Variants in COL24A1 observed in about 807,000 individuals in gnomAD.
COL24A1 encodes collagen alpha-1(XXIV) chain.
COL24A1 carries 224 observed loss-of-function variants against 253.9 expected under a neutral mutation model. The observed-to-expected ratio is 0.88, with a 90% CI of 0.79 to 0.99. COL24A1 has a LOEUF of 0.99. Among genes scored for constraint, COL24A1 ranks in the 50% least tolerant of loss-of-function variants. The probability of loss-of-function intolerance (pLI) is 0.00; values close to 1 mark genes in which losing one functional copy is unlikely to be tolerated. For synonymous variants in COL24A1, 685 were observed against 673.7 expected (o/e 1.02, Z -0.26); for missense variants, 2,131 against 2,068.5 (o/e 1.03, Z -0.59).
chr1:85,751,916 C>A lies in COL24A1; in HGVS notation c.4438-6410G>T, dbSNP rs1665778532. 2.3e-4 allele frequency among the ~76,000 whole-genome samples: 2 copies of A among 8,514 alleles called. 1 individual carries two copies. Among genetic ancestry groups the A allele is most frequent in the African/African-American group, 3.5e-4 (2 of 5,646 alleles). 5.6% of individuals were successfully genotyped at this position (8,514 alleles called of 152,430 possible). On this transcript the variant is annotated intron_variant, in intron 55 of 59. Coordinates refer to ENST00000370571, the MANE Select transcript of COL24A1 (RefSeq NM_152890.7). ...AATAGTTTACCAACCAAAAAGAGTC[C>A]AGGACCAGATGGATTCACAGCCGAA...
At chr1:86,043,650 C>A (rs2101624559) in intron 12 of COL24A1, among the ~76,000 whole-genome samples, 1 of 152,204 alleles carries the variant, frequency 6.6e-6, no homozygotes, top group African/African-American at 2.4e-5. Context: ...GCCTCAGTCT[C>A]CTGAGGAGCT....
chr1:86,013,184 A>T (rs925664415), intron 19 of COL24A1, among the ~76,000 whole-genome samples: 3 of 152,166 alleles, frequency 2.0e-5, no homozygotes, highest in Non-Finnish European at 4.4e-5. Context: ...AAAATTCTGT[A>T]ATTTTCAGAT....
chr1:86,105,999 T>C (rs1042403462), intron 5 of COL24A1, among the ~76,000 whole-genome samples: 1 of 152,184 alleles, frequency 6.6e-6, no homozygotes, highest in Non-Finnish European at 1.5e-5. Flanking sequence ...AGTGTGCCAG[T>C]CATCCCGATC....
At chr1:85,861,567 C>A (rs1679153376) in intron 37 of COL24A1, among the ~76,000 whole-genome samples, 1 of 152,038 alleles carries the variant, frequency 6.6e-6, no homozygotes, top group African/African-American at 2.4e-5. Context: ...TCATTTTTTT[C>A]TGCAGTAGAA....
intron 42 of COL24A1, 132 bp downstream of exon 42, chr1:85,841,090 C>G (rs1403569276): frequency 3.2e-6 from 2 of 629,978 alleles, no homozygotes; most frequent in Admixed American, 3.6e-5. Context: ...CCATAAATAT[C>G]ACCCTCCTAT....
chr1:85,954,724 T>C (rs1381167378), intron 24 of COL24A1, among the ~76,000 whole-genome samples: 2 of 152,186 alleles, frequency 1.3e-5, no homozygotes, highest in Admixed American at 6.5e-5. Flanking sequence ...GAAAAATTAC[T>C]ACCCCCTATT....
intron 47 of COL24A1, among the ~76,000 whole-genome samples, chr1:85,790,109 C>G (rs313714): frequency 0.89 from 135,496 of 152,168 alleles, 60,549 homozygotes; most frequent in Middle Eastern, 0.93. Context: ...TGTTTGAAAT[C>G]GTTTCAGAAG....
chr1:85,927,488 G>A (rs1203447344), intron 24 of COL24A1, among the ~76,000 whole-genome samples: 9 of 129,956 alleles, frequency 6.9e-5, no homozygotes, highest in East Asian at 2.4e-4. Flanking sequence ...ACTGCAAGGC[G>A]GCAACGAGGC....
intron 3 of COL24A1, among the ~76,000 whole-genome samples, chr1:86,122,351 A>G (rs1647502589): frequency 6.6e-6 from 1 of 151,878 alleles, no homozygotes; most frequent in African/African-American, 2.4e-5. Flanking sequence ...TTCTTTCTAT[A>G]ACCAAAAAGC....
chr1:85,868,962 T>C lies in COL24A1; in HGVS notation c.3139-127A>G, dbSNP rs577233220. The C allele has an allele frequency of 1.9e-5, 11 of 588,088 alleles. No homozygotes were observed. The African/African-American group carries it at 2.1e-4, about 11-fold the overall frequency. 36.4% of individuals were successfully genotyped at this position (588,088 alleles called of 1,614,324 possible). A position where few individuals can be genotyped will look rare whatever the true frequency, so the allele number is the denominator to read the frequency against. The stretch of plus-strand genomic sequence containing the variant: ...GTTCACTTATTTCTACTACTTTATT[T>C]CTAAAGAGGATTTGACAGTAAAATG... On this transcript the variant is annotated intron_variant, in intron 35 of 59. Transcript: ENST00000370571.
chr1:85,837,325 A>G (rs1397990120), intron 43 of COL24A1, among the ~76,000 whole-genome samples: 2 of 152,220 alleles, frequency 1.3e-5, no homozygotes, highest in Non-Finnish European at 2.9e-5. Context: ...ATCTGCTTCA[A>G]AGAGAGTTTT....
chr1:86,058,952 T>C (rs546784567), intron 9 of COL24A1, among the ~76,000 whole-genome samples, 169 bp downstream of exon 9: 138 of 152,290 alleles, frequency 9.1e-4, no homozygotes, highest in African/African-American at 3.1e-3. Context: ...TAAAACTTTC[T>C]GAAGAAAAAT....
chr1:86,149,967 G>T (rs1052669346), intron 1 of COL24A1, among the ~76,000 whole-genome samples: 2 of 152,130 alleles, frequency 1.3e-5, no homozygotes, highest in Non-Finnish European at 2.9e-5. Context: ...AAAAGAACAG[G>T]TAAAGTTTCT....
chr1:85,916,446 G>C (rs1213502277), intron 24 of COL24A1, among the ~76,000 whole-genome samples: 2 of 152,104 alleles, frequency 1.3e-5, no homozygotes, highest in Admixed American at 1.3e-4. Context: ...CTTAAAGTTG[G>C]AGAACATAAA....
In COL24A1 at chr1:86,057,940, T is replaced by G. The variant is rs977336606; in HGVS notation, c.1842A>C (p.Lys614Asn). 7 of 1,612,948 alleles carry G rather than the reference T, an allele frequency of 4.3e-6. No homozygotes were observed. The highest frequency in any genetic ancestry group is 5.9e-6 in the Non-Finnish European group (7 of 1,179,400). The stretch of plus-strand genomic sequence containing the variant: ...GGAAATGCCTACTTACTTGTGCACC[T>G]TTAGGACCTGGATTACCTTCTGGTC... ...LAGPEGNPGP[K>N]GAQGFIGSPG... Residue 614 changes from lysine (K) to asparagine (N), a missense_variant, in exon 10 of 60, where the codon AAA becomes AAC. By Grantham distance (94) the Lys-to-Asn change is moderately conservative. Transcript: ENST00000370571.
chr1:85,990,097 C>T (rs989555592), intron 19 of COL24A1, among the ~76,000 whole-genome samples: 2 of 152,156 alleles, frequency 1.3e-5, no homozygotes, highest in Admixed American at 6.6e-5. Context: ...GTTGTAGTTG[C>T]TGCTGTTGAA....
intron 24 of COL24A1, 107 bp from the exon 25 acceptor site, chr1:85,911,540 A>G (rs1685370089): frequency 4.4e-6 from 4 of 911,322 alleles, no homozygotes; most frequent in Non-Finnish European, 7.1e-6. Flanking sequence ...AACTTATCCT[A>G]AATGTTATCT....
chr1:85,970,250 C>T lies in COL24A1; in HGVS notation c.2440G>A (p.Ala814Thr). 6.3e-7 allele frequency: 1 copy of T among 1,595,128 alleles called. No individual in the cohort carries two copies. Among genetic ancestry groups the T allele is most frequent in the Non-Finnish European group, 8.5e-7 (1 of 1,171,704 alleles). ...GTQGEEGPIG[A>T]FGELGPRGKP... ...ACTCTTGGCCCCAGTTCCCCAAAGGCTCCAATTGGTCCTTCTTCTCCCTTA... is the reference window on the plus strand; with the variant it reads ...ACTCTTGGCCCCAGTTCCCCAAAGGTTCCAATTGGTCCTTCTTCTCCCTTA... Residue 814 changes from alanine to threonine, a missense_variant, in exon 22 of 60, where the codon GCC becomes ACC. Physicochemically the swap from Ala to Thr is moderately conservative, Grantham distance 58 (BLOSUM62 0). Coordinates refer to ENST00000370571, the MANE Select transcript of COL24A1 (RefSeq NM_152890.7).
chr1:85,945,000 G>GGTTTT (rs1689125102), intron 24 of COL24A1, among the ~76,000 whole-genome samples: 1 of 36,124 alleles, frequency 2.8e-5, no homozygotes, highest in African/African-American at 9.6e-5. Flanking sequence ...GTCTATCATT[G>GGTTTT]TGTTTTTTTT....
Sources: allele counts gnomAD v4.1 joint callset (sites outside exome capture counted in the v4.1 genomes callset), GRCh38; gene constraint gnomAD v4.1.1; transcripts MANE v1.5; gene names NCBI Gene and HGNC (gene_info 2026-07-23, HGNC 2026-07-21).